Variants in PITPNM3 observed in about 807,000 individuals in gnomAD.
PITPNM3 encodes the protein membrane-associated phosphatidylinositol transfer protein 3.
Under a neutral mutation model 102.0 loss-of-function variants are expected in PITPNM3, and 26 were observed. The ratio of observed to expected loss-of-function variants is 0.25; its 90% CI spans 0.19 to 0.35. The LOEUF is 0.35. Among genes scored for constraint, PITPNM3 ranks in the 10% least tolerant of loss-of-function variants. The probability of loss-of-function intolerance (pLI) is 1.00; values close to 1 mark genes in which losing one functional copy is unlikely to be tolerated. For synonymous variants in PITPNM3, 578 were observed against 558.6 expected, an observed-to-expected ratio of 1.03 and a Z score of -0.49; for missense variants, 1,083 against 1,346.1, an observed-to-expected ratio of 0.80 and a Z score of 3.06.
intron 17 of PITPNM3, among the ~76,000 whole-genome samples, chr17:6,463,417 G>GGGAGGGAA (rs373785426): frequency 3.4e-5 from 2 of 58,722 alleles, no homozygotes; most frequent in African/African-American, 6.7e-5. Flanking sequence ...CACGAGTGCA[G>GGGAGGGAA]GGAGGGAGGC....
At chr17:6,488,097 C>T (rs532737114) in intron 4 of PITPNM3, among the ~76,000 whole-genome samples, 2 of 152,092 alleles carry the variant, frequency 1.3e-5, no homozygotes, top group African/African-American at 4.8e-5. Context: ...GCACACCTCC[C>T]GTCTTCATCT....
At chr17:6,525,767 G>A (rs1338744162) in intron 2 of PITPNM3, among the ~76,000 whole-genome samples, 2 of 152,224 alleles carry the variant, frequency 1.3e-5, no homozygotes, top group Non-Finnish European at 2.9e-5. Context: ...TTGAAAGTCA[G>A]TGTGTTTGGG....
In PITPNM3 at chr17:6,470,686, C is replaced by T. The variant is rs969765253; in HGVS notation, c.1625-278G>A. ...CGTCCACAGTCTCACCCAGGGCCGC[C>T]GCTCAGTGGCAGTTCCCAGTGGGCT... On this transcript the variant is annotated intron_variant, in intron 12 of 19. Transcript: ENST00000262483. This position sits in a 1 kb window ranked among gnomAD's most constrained non-coding sequence, Gnocchi z 4.8. Among the ~76,000 whole-genome samples the T allele has an allele frequency of 2.0e-5, 3 of 152,200 alleles. No homozygotes were observed. The highest frequency in any genetic ancestry group is 7.2e-5 in the African/African-American group (3 of 41,456).
rs116418878 is a variant in PITPNM3, at chr17:6,459,311, A to G, written c.2491-1589T>C. ...CCACACCCTCGGCAAAAGGGGCGCT[A>G]TCTCCTTGAAGCCCTCTCCTCCCGA... is the stretch of plus-strand genomic sequence containing the variant. On this transcript the variant is annotated intron_variant, in intron 18 of 19. Coordinates refer to ENST00000262483, the MANE Select transcript of PITPNM3 (RefSeq NM_031220.4). This position sits in a 1 kb window ranked among gnomAD's most constrained non-coding sequence, Gnocchi z 5.0. Among the ~76,000 whole-genome samples, 299 of 151,958 alleles carry G rather than the reference A, an allele frequency of 2.0e-3. 1 individual carries two copies. Among genetic ancestry groups the G allele is most frequent in the African/African-American group, 6.9e-3 (287 of 41,424 alleles).
In PITPNM3 at chr17:6,468,848, C is replaced by T. The variant is rs112618733; in HGVS notation, c.1774-507G>A. Among the ~76,000 whole-genome samples, 93 of 152,270 alleles carry T rather than the reference C, an allele frequency of 6.1e-4. No homozygotes were observed. The highest frequency in any genetic ancestry group is 1.1e-3 in the Non-Finnish European group (76 of 68,012). On this transcript the variant is annotated intron_variant, in intron 13 of 19. Transcript: ENST00000262483. The surrounding 1 kb of genome is among the most constrained non-coding windows in gnomAD (Gnocchi z 5.2). ...ATTCCTCATGCCTCTCCAGTGACCGCCACATCCCTGCTGTCCCTCACAGCA... is the reference window on the plus strand; with the variant it reads ...ATTCCTCATGCCTCTCCAGTGACCGTCACATCCCTGCTGTCCCTCACAGCA...
rs768409292 is a variant in PITPNM3, at chr17:6,453,157, C to G, written c.*2181G>C. 1 of 151,828 alleles carries G rather than the reference C, an allele frequency of 6.6e-6. No individual in the cohort carries two copies. Among genetic ancestry groups the G allele is most frequent in the Non-Finnish European group, 1.5e-5 (1 of 67,958 alleles). 9.4% of individuals were successfully genotyped at this position (151,828 alleles called of 1,614,324 possible). On this transcript the variant is annotated 3_prime_UTR_variant, in exon 20 of 20. Transcript: ENST00000262483. ...TCTCTCTCTCTCCCTCTCTCTCTTT[C>G]TCTCTCCCTCTCCCTCTCTCGCCTA...
chr17:6,536,779 C>T (rs997985485), intron 2 of PITPNM3, among the ~76,000 whole-genome samples: 13 of 152,216 alleles, frequency 8.5e-5, no homozygotes, highest in African/African-American at 2.9e-4. Flanking sequence ...TCCAAGACCC[C>T]GTTTGCCAAG....
chr17:6,483,133 A>T (rs779452300), intron 6 of PITPNM3, among the ~76,000 whole-genome samples: 7 of 152,000 alleles, frequency 4.6e-5, no homozygotes, highest in Non-Finnish European at 8.8e-5. Flanking sequence ...TGTAGTAGAG[A>T]CAGGGTTTCA....
Position 6,461,603 on chromosome 17 carries a change from A to G in PITPNM3, c.2307-47T>C, listed in dbSNP as rs757021240. On this transcript the variant is annotated intron_variant, in intron 17 of 19. Transcript: ENST00000262483. ...GGTCCAGCCCTGCCCAGTGCAGGCC[A>G]CCTGATGCCCAGAAGCCTGCCCTGC... 39 of 1,594,410 alleles carry G rather than the reference A, an allele frequency of 2.4e-5. 1 individual carries two copies. The South Asian group carries it at 4.2e-4, about 17-fold the overall frequency.
At chr17:6,528,079 G>T (rs1389010688) in intron 2 of PITPNM3, among the ~76,000 whole-genome samples, 2 of 152,088 alleles carry the variant, frequency 1.3e-5, no homozygotes, top group Admixed American at 6.5e-5. Context: ...CTTCTCTCAC[G>T]CTTTACATCT....
At chr17:6,486,420 C>A (rs1389748001) in intron 4 of PITPNM3, among the ~76,000 whole-genome samples, 1 of 152,144 alleles carries the variant, frequency 6.6e-6, no homozygotes, top group East Asian at 1.9e-4. Context: ...CTGTCAACAT[C>A]CCCTCACCAT....
chr17:6,502,323 G>A (rs927989690), intron 4 of PITPNM3, among the ~76,000 whole-genome samples: 16 of 152,118 alleles, frequency 1.1e-4, no homozygotes, highest in African/African-American at 1.4e-4. Flanking sequence ...CATGGTGGCC[G>A]GCGCCTGTAA....
chr17:6,477,966 C>G lies in PITPNM3; in HGVS notation c.900+9G>C. Reference sequence around the variant, plus strand: ...ATACCCCTCCCGCGGTCCTGTCCCCCGGCTGTACCTGGGTGCTGCTGATGC... The same window carrying G: ...ATACCCCTCCCGCGGTCCTGTCCCCGGGCTGTACCTGGGTGCTGCTGATGC... On this transcript the variant is annotated intron_variant, in intron 8 of 19. Coordinates refer to ENST00000262483, the MANE Select transcript of PITPNM3 (RefSeq NM_031220.4). 6.2e-7 allele frequency: 1 copy of G among 1,612,008 alleles called. No homozygotes were observed. The highest frequency in any genetic ancestry group is 8.5e-7 in the Non-Finnish European group (1 of 1,179,990).
chr17:6,455,359 G>A lies in PITPNM3; in HGVS notation c.2904C>T (p.Pro968=). The A allele has an allele frequency of 1.3e-6, 2 of 1,583,076 alleles. No homozygotes were observed. The highest frequency in any genetic ancestry group is 2.3e-5 in the East Asian group (1 of 44,388). ...LPALSWARGP[P]KFESVP ...CCCCTCAGGGCACCGACTCGAACTT[G>A]GGGGGCCCACGCGCCCAGCTGAGCG... is the stretch of plus-strand genomic sequence containing the variant. The change falls in exon 20 of 20, where the codon CCC becomes CCT. Residue 968 remains proline (P), a synonymous_variant. Transcript: ENST00000262483.
intron 3 of PITPNM3, among the ~76,000 whole-genome samples, chr17:6,510,059 A>G (rs150677475): frequency 5.2e-4 from 77 of 149,106 alleles, no homozygotes; most frequent in African/African-American, 1.7e-3. Context: ...CATTCTTCCC[A>G]TACCTTTTAT....
At chr17:6,464,444 G>A in intron 15 of PITPNM3, 126 bp from the exon 16 acceptor site, 2 of 1,177,748 alleles carry the variant, frequency 1.7e-6, no homozygotes, top group Non-Finnish European at 2.5e-6. Context: ...TGCCAGCCTG[G>A]CTCCTCATTT....
chr17:6,547,651 C>T (rs1331660647), intron 1 of PITPNM3, among the ~76,000 whole-genome samples: 1 of 152,186 alleles, frequency 6.6e-6, no homozygotes, highest in Non-Finnish European at 1.5e-5. Context: ...AATAGGGGCT[C>T]AAGGTCCAGG....
chr17:6,455,136 T>C lies in PITPNM3; in HGVS notation c.*202A>G, dbSNP rs931753544. 1.8e-5 allele frequency: 11 copies of C among 619,870 alleles called. No homozygotes were observed. The highest frequency in any genetic ancestry group is 1.6e-4 in the African/African-American group (8 of 51,084). The allele number at this position is 619,870 out of a possible 1,614,324, so 38.4% of individuals were successfully genotyped here. On this transcript the variant is annotated 3_prime_UTR_variant, in exon 20 of 20. Transcript: ENST00000262483. The stretch of plus-strand genomic sequence containing the variant: ...GGAGGCAGCAGTGGCTGCACCGAGA[T>C]CCCCGGACCTCACCCCGTCGCAGCT...
Position 6,474,554 on chromosome 17 carries a change from C to T in PITPNM3, c.1136G>A (p.Gly379Glu). The T allele has an allele frequency of 6.3e-7, 1 of 1,599,360 alleles. No individual in the cohort carries two copies. Among genetic ancestry groups the T allele is most frequent in the Non-Finnish European group, 8.5e-7 (1 of 1,173,570 alleles). The change falls in exon 10 of 20, where the codon GGG becomes GAG. Residue 379 changes from glycine to glutamate, a missense_variant. By Grantham distance (98) the Gly-to-Glu change is moderately conservative. Coordinates refer to ENST00000262483, the MANE Select transcript of PITPNM3 (RefSeq NM_031220.4). ...CAGGCTGACCTCAGGGAGCTGCGGCCCCCCAGCCGCCGGGGTCTCAGACTC... is the reference window on the plus strand; with the variant it reads ...CAGGCTGACCTCAGGGAGCTGCGGCTCCCCAGCCGCCGGGGTCTCAGACTC... ...KDESETPAAG[G>E]PQLPEVSLGR...
Sources: allele counts gnomAD v4.1 joint callset (sites outside exome capture counted in the v4.1 genomes callset), GRCh38; gene constraint gnomAD v4.1.1; non-coding constraint Gnocchi (gnomAD v3.1); transcripts MANE v1.5; gene names NCBI Gene and HGNC (gene_info 2026-07-23, HGNC 2026-07-21).